SI: variants seen among roughly 807,000 people sequenced by gnomAD.
SI encodes sucrase-isomaltase.
SI carries 235 observed loss-of-function variants against 253.3 expected under a neutral mutation model. The ratio of observed to expected loss-of-function variants is 0.93; its 90% CI spans 0.83 to 1.03. SI has a LOEUF of 1.03. Ranked by LOEUF, SI falls within the 50% of genes least tolerant of loss-of-function variation. The probability of loss-of-function intolerance (pLI) is 0.00; values close to 1 mark genes in which losing one functional copy is unlikely to be tolerated. For missense variants in SI, 2,442 were observed against 2,211.1 expected (o/e 1.10, Z -2.09); for synonymous variants, 819 against 712.0 (o/e 1.15, Z -2.39).
At chr3:165,069,510 A>G (rs1318398254) in intron 3 of SI, among the ~76,000 whole-genome samples, 1 of 152,074 alleles carries the variant, frequency 6.6e-6, no homozygotes, top group Non-Finnish European at 1.5e-5. Context: ...TTCTGTTGCC[A>G]TGGTATTGAC....
intron 33 of SI, among the ~76,000 whole-genome samples, chr3:165,014,512 G>C (rs1394531111): frequency 6.6e-6 from 1 of 152,130 alleles, no homozygotes; most frequent in African/African-American, 2.4e-5. Flanking sequence ...GCCTCCCAAA[G>C]AGCTGGGATT....
chr3:165,001,298 C>T (rs1176340836), intron 37 of SI, among the ~76,000 whole-genome samples: 1 of 151,198 alleles, frequency 6.6e-6, no homozygotes, highest in East Asian at 1.9e-4. Context: ...AATTGTTATC[C>T]TCATTTTCAT....
chr3:165,015,704 T>C (rs1718989373), intron 32 of SI, among the ~76,000 whole-genome samples: 1 of 152,084 alleles, frequency 6.6e-6, no homozygotes. Flanking sequence ...GCTTGGATGA[T>C]AACTAGAAAA....
At chr3:165,027,678 T>G (rs546626410) in intron 25 of SI, among the ~76,000 whole-genome samples, 1 of 151,556 alleles carries the variant, frequency 6.6e-6, no homozygotes, top group African/African-American at 2.4e-5. Context: ...ATAATTGTGA[T>G]ACACCACATA....
intron 44 of SI, among the ~76,000 whole-genome samples, chr3:164,987,820 T>G (rs1335139658): frequency 6.6e-6 from 1 of 152,188 alleles, no homozygotes; most frequent in Admixed American, 6.6e-5. Flanking sequence ...AAAACCACAT[T>G]AATTTTATTC....
At chr3:164,989,536 G>A (rs1041791556) in intron 44 of SI, among the ~76,000 whole-genome samples, 1 of 152,014 alleles carries the variant, frequency 6.6e-6, no homozygotes, top group Non-Finnish European at 1.5e-5. Flanking sequence ...GTTCCTCTTG[G>A]ACAGCAGGAC....
chr3:164,993,310 G>T (rs780614641), intron 41 of SI, among the ~76,000 whole-genome samples: 19 of 151,592 alleles, frequency 1.3e-4, no homozygotes, highest in Non-Finnish European at 2.4e-4. Context: ...AAATAAAGAA[G>T]GGATTATGGT....
In SI at chr3:164,996,644, G is replaced by A; in HGVS notation, c.4583C>T (p.Ala1528Val). The stretch of plus-strand genomic sequence containing the variant: ...GTTGTTGAAAAAACCACAGATGTCT[G>A]CTCCAGTCTAAAATATATTGTTATA... ...FSLFGMSYTG[A>V]DICGFFNNSE... Residue 1528 changes from alanine (A) to valine (V), a missense_variant, in exon 40 of 48, where the codon GCA becomes GTA. Ala to Val is a moderately conservative substitution (Grantham distance 64, BLOSUM62 0). Coordinates refer to ENST00000264382, the MANE Select transcript of SI (RefSeq NM_001041.4). The A allele has an allele frequency of 1.3e-6, 2 of 1,567,326 alleles. No homozygotes were observed. The highest frequency in any genetic ancestry group is 2.2e-5 in the East Asian group (1 of 44,490).
At position 164,982,430 on chromosome 3, in the gene SI, A is replaced by G. The variant is rs1379138451; in HGVS notation, c.5248-20T>C. On this transcript the variant is annotated intron_variant, in intron 46 of 47. Transcript: ENST00000264382. ...GGTGGTCTATAAATAAAGAAAAAGG[A>G]ATAACATAAACACTTTATTTGCAAA... 26 of 1,566,852 alleles carry G rather than the reference A, an allele frequency of 1.7e-5. No homozygotes were observed. Among genetic ancestry groups the G allele is most frequent in the Non-Finnish European group, 2.3e-5 (26 of 1,138,668 alleles).
chr3:165,017,449 T>C (rs1174703538), intron 31 of SI, 99 bp downstream of exon 31: 7 of 1,201,362 alleles, frequency 5.8e-6, no homozygotes, highest in Non-Finnish European at 8.4e-6. Flanking sequence ...AAGCTAAGCA[T>C]TATTACCAGC....
chr3:165,014,397 C>T (rs1301987753), intron 33 of SI, among the ~76,000 whole-genome samples: 2 of 151,986 alleles, frequency 1.3e-5, no homozygotes, highest in African/African-American at 2.4e-5. Flanking sequence ...TACAGGCACC[C>T]GCCACCATGC....
chr3:165,013,218 A>G (rs1372848789), intron 33 of SI, among the ~76,000 whole-genome samples, 176 bp from the exon 34 acceptor site: 2 of 152,038 alleles, frequency 1.3e-5, no homozygotes, highest in African/African-American at 2.4e-5. Context: ...AACTATTCCC[A>G]TTTTCCATGT....
chr3:164,987,963 A>G (rs1717523800), intron 44 of SI, among the ~76,000 whole-genome samples: 1 of 152,158 alleles, frequency 6.6e-6, no homozygotes, highest in South Asian at 2.1e-4. Context: ...TGGAGTTATC[A>G]CTGGTTATAA....
intron 22 of SI, 34 bp from the exon 23 acceptor site, chr3:165,033,478 G>A (rs1326312435): frequency 6.8e-7 from 1 of 1,480,230 alleles, no homozygotes; most frequent in Non-Finnish European, 9.0e-7. Context: ...AGTACAAAAT[G>A]CAATGTTAAA....
At chr3:165,089,855 T>C in the SI span, among the ~76,000 whole-genome samples, 1 of 151,898 alleles carries the variant, frequency 6.6e-6, no homozygotes, top group Non-Finnish European at 1.5e-5. Flanking sequence ...GGGCACCTTA[T>C]AACATTGGAG....
intron 36 of SI, among the ~76,000 whole-genome samples, chr3:165,007,227 T>C (rs935064581): frequency 2.0e-5 from 3 of 152,096 alleles, no homozygotes; most frequent in African/African-American, 7.2e-5. Flanking sequence ...AAAACACTGA[T>C]TAGAGTTTTA....
Position 165,009,261 on chromosome 3 carries a change from T to G in SI, c.4179+18A>C. 6.8e-7 allele frequency: 1 copy of G among 1,478,734 alleles called. No individual in the cohort carries two copies. The highest frequency in any genetic ancestry group is 9.5e-7 in the Non-Finnish European group (1 of 1,056,890). 91.6% of individuals were successfully genotyped at this position (1,478,734 alleles called of 1,614,324 possible). A position where few individuals can be genotyped will look rare whatever the true frequency, so the allele number is the denominator to read the frequency against. ...ACAATAAATAACTTAAAACATAGATTGTTCAAAGCTTACTTACAATCCACA... is the reference window on the plus strand; with the variant it reads ...ACAATAAATAACTTAAAACATAGATGGTTCAAAGCTTACTTACAATCCACA... On this transcript the variant is annotated intron_variant, in intron 35 of 47. Coordinates refer to ENST00000264382, the MANE Select transcript of SI (RefSeq NM_001041.4).
Position 165,030,717 on chromosome 3 carries a change from T to G in SI, c.2887A>C (p.Arg963=), listed in dbSNP as rs113456182. The G allele has an allele frequency of 9.7e-4, 1,565 of 1,608,216 alleles. 15 individuals carry two copies. In the African/African-American group the frequency reaches 0.018, roughly 19 times the overall value. The change falls in exon 25 of 48, where the codon AGA becomes CGA. Residue 963 remains arginine (R), a synonymous_variant. Coordinates refer to ENST00000264382, the MANE Select transcript of SI (RefSeq NM_001041.4). ...QKCTQRGCVW[R]TGSSLSKAPE... ...ATAGTTAAAATTATTATTACCGTTC[T>G]CCATACACAGCCACGTTGTGTGCAC...
intron 6 of SI, 32 bp from the exon 7 acceptor site, chr3:165,065,464 A>ATATAT (rs1714194591): frequency 5.1e-6 from 1 of 194,480 alleles, no homozygotes; most frequent in Non-Finnish European, 8.2e-6. Context: ...GAAATAATCT[A>ATATAT]ATATATATAT....
Sources: gnomAD v4.1 joint callset for allele counts (sites outside exome capture counted in the v4.1 genomes callset) on GRCh38, gnomAD v4.1.1 for gene constraint, MANE v1.5 for transcripts, NCBI Gene and HGNC (gene_info 2026-07-23, HGNC 2026-07-21) for gene names.